Variants in ROBO2 observed in about 807,000 individuals in gnomAD.
ROBO2 encodes the protein roundabout homolog 2.
A neutral mutation model predicts 160.8 loss-of-function variants in ROBO2; 53 were observed. The ratio of observed to expected loss-of-function variants is 0.33; its 90% CI spans 0.26 to 0.41. The LOEUF (loss-of-function observed/expected upper bound fraction) is 0.41, where lower values mean the gene tolerates loss of function less well. Among genes scored for constraint, ROBO2 ranks in the 10% least tolerant of loss-of-function variants. The pLI, the probability that ROBO2 is intolerant of heterozygous loss-of-function variation, is 1.00. For missense variants in ROBO2, 1,577 were observed against 1,722.4 expected, an observed-to-expected ratio of 0.92 and a Z score of 1.49; for synonymous variants, 664 against 611.7, an observed-to-expected ratio of 1.09 and a Z score of -1.26.
At chr3:76,554,636 C>A (rs1473288765) in intron 2 of ROBO2, among the ~76,000 whole-genome samples, 4 of 151,934 alleles carry the variant, frequency 2.6e-5, no homozygotes, top group Non-Finnish European at 5.9e-5. Context: ...GTGTGTCCCA[C>A]TTTTCTTGAG....
intron 2 of ROBO2, among the ~76,000 whole-genome samples, chr3:76,330,911 TGC>T (rs1222783742): frequency 6.6e-6 from 1 of 152,240 alleles, no homozygotes; most frequent in Non-Finnish European, 1.5e-5. Flanking sequence ...CAGCCTCATC[TGC>T]TGTGGTATTC....
At chr3:76,683,149 A>C (rs2092606376) in intron 2 of ROBO2, among the ~76,000 whole-genome samples, 1 of 152,170 alleles carries the variant, frequency 6.6e-6, no homozygotes, top group South Asian at 2.1e-4. Context: ...TAATTGTGGC[A>C]TCCAGAGGCA....
intron 2 of ROBO2, among the ~76,000 whole-genome samples, chr3:77,162,155 T>C: frequency 6.6e-6 from 1 of 151,926 alleles, no homozygotes; most frequent in Non-Finnish European, 1.5e-5. Context: ...AAATAGGGCA[T>C]ATGGCAGAAA....
chr3:77,248,351 C>G (rs896441747), intron 2 of ROBO2, among the ~76,000 whole-genome samples: 1 of 152,076 alleles, frequency 6.6e-6, no homozygotes, highest in Admixed American at 6.5e-5. Flanking sequence ...AACTGTCACA[C>G]TGACCCTCCG....
intron 2 of ROBO2, among the ~76,000 whole-genome samples, chr3:75,998,888 C>T (rs1359928050): frequency 6.6e-6 from 1 of 152,214 alleles, no homozygotes; most frequent in Non-Finnish European, 1.5e-5. Flanking sequence ...TGCATGACTT[C>T]TTCATACTCA....
chr3:77,366,737 A>G (rs776534190), intron 2 of ROBO2, among the ~76,000 whole-genome samples: 3 of 151,572 alleles, frequency 2.0e-5, no homozygotes, highest in Non-Finnish European at 4.4e-5. Context: ...GAACCAGTGT[A>G]GAGGTCACAT....
intron 2 of ROBO2, among the ~76,000 whole-genome samples, chr3:76,038,794 GTA>G (rs1173300772): frequency 4.1e-4 from 20 of 48,546 alleles, no homozygotes; most frequent in Admixed American, 5.6e-4. Context: ...GTGTGTGTAT[GTA>G]TGTGTGTGTG....
intron 2 of ROBO2, among the ~76,000 whole-genome samples, chr3:76,551,849 C>G (rs1404928093): frequency 1.3e-5 from 2 of 152,158 alleles, no homozygotes; most frequent in Non-Finnish European, 2.9e-5. Context: ...GTATGCCTGG[C>G]TGTGTGCAGT....
intron 2 of ROBO2, among the ~76,000 whole-genome samples, chr3:77,476,111 A>G (rs1251739471): frequency 6.6e-6 from 1 of 152,206 alleles, no homozygotes; most frequent in East Asian, 1.9e-4. Context: ...ACGAGAAAAG[A>G]AAAACCCTGA....
intron 13 of ROBO2, among the ~76,000 whole-genome samples, chr3:77,572,200 GTT>G (rs1000811066): frequency 3.3e-5 from 5 of 151,996 alleles, no homozygotes; most frequent in African/African-American, 1.2e-4. Context: ...ATTATTGTGA[GTT>G]ATGTCTTTCT....
chr3:76,029,623 T>A (rs2066854526), intron 2 of ROBO2, among the ~76,000 whole-genome samples: 1 of 152,144 alleles, frequency 6.6e-6, no homozygotes, highest in African/African-American at 2.4e-5. Context: ...GGTGTTTGGT[T>A]TTCTGTCTTT....
chr3:76,613,440 G>A (rs953699872), intron 2 of ROBO2, among the ~76,000 whole-genome samples: 4 of 151,956 alleles, frequency 2.6e-5, no homozygotes, highest in African/African-American at 9.7e-5. Flanking sequence ...AGCCTATTCT[G>A]ATCCTTTTCT....
At chr3:77,342,588 A>T (rs2067185245) in intron 2 of ROBO2, among the ~76,000 whole-genome samples, 1 of 152,122 alleles carries the variant, frequency 6.6e-6, no homozygotes, top group South Asian at 2.1e-4. Context: ...AAGGGGTGCT[A>T]GGAGGCTTCT....
intron 2 of ROBO2, among the ~76,000 whole-genome samples, chr3:75,985,154 C>T (rs2065379748): frequency 6.6e-6 from 1 of 151,362 alleles, no homozygotes; most frequent in African/African-American, 2.4e-5. Flanking sequence ...TGTATCTTGA[C>T]AGTAAATTCT....
At chr3:76,666,906 T>G (rs2110120414) in intron 2 of ROBO2, among the ~76,000 whole-genome samples, 1 of 152,036 alleles carries the variant, frequency 6.6e-6, no homozygotes, top group South Asian at 2.1e-4. Context: ...TCATCAAGAG[T>G]TTACTGATTT....
At chr3:77,524,680 T>C (rs1314502224) in intron 6 of ROBO2, among the ~76,000 whole-genome samples, 1 of 151,422 alleles carries the variant, frequency 6.6e-6, no homozygotes, top group Non-Finnish European at 1.5e-5. Flanking sequence ...TTTCATAATT[T>C]GCTGAAAGTT....
At chr3:76,488,749 G>C (rs1257239092) in intron 2 of ROBO2, among the ~76,000 whole-genome samples, 5 of 151,866 alleles carry the variant, frequency 3.3e-5, no homozygotes, top group African/African-American at 1.2e-4. Context: ...AGGGGGTCTA[G>C]GATAAAGGAC....
intron 2 of ROBO2, among the ~76,000 whole-genome samples, chr3:76,971,058 C>T (rs2059549431): frequency 6.6e-6 from 1 of 152,154 alleles, no homozygotes; most frequent in African/African-American, 2.4e-5. Context: ...TCCCATTACA[C>T]TATGAAGTTC....
intron 2 of ROBO2, among the ~76,000 whole-genome samples, chr3:76,418,914 GT>G: frequency 6.6e-6 from 1 of 152,234 alleles, no homozygotes; most frequent in Non-Finnish European, 1.5e-5. Context: ...TATTTCTTGT[GT>G]GCAGTGTAAC....
Sources: gnomAD v4.1 joint callset for allele counts (sites outside exome capture counted in the v4.1 genomes callset) on GRCh38, gnomAD v4.1.1 for gene constraint, MANE v1.5 for transcripts, NCBI Gene and HGNC (gene_info 2026-07-23, HGNC 2026-07-21) for gene names.